Variants in DUOX1 observed in about 807,000 individuals in gnomAD.
DUOX1 encodes the protein dual oxidase 1.
A neutral mutation model predicts 181.8 loss-of-function variants in DUOX1; 134 were observed. That is an observed-to-expected ratio of 0.74 (90% CI 0.64 to 0.85). The LOEUF is 0.85. Among genes scored for constraint, DUOX1 ranks in the 40% least tolerant of loss-of-function variants. DUOX1 has a pLI of 0.00. For synonymous variants in DUOX1, 798 were observed against 832.5 expected, an observed-to-expected ratio of 0.96 and a Z score of 0.71; for missense variants, 1,814 against 2,064.4, an observed-to-expected ratio of 0.88 and a Z score of 2.35.
intron 29 of DUOX1, 73 bp from the exon 30 acceptor site, chr15:45,161,665 G>C: frequency 1.5e-6 from 2 of 1,333,566 alleles, no homozygotes; most frequent in Non-Finnish European, 2.1e-6. Context: ...GAGGCTGTGG[G>C]TGGGGAGCTC....
Position 45,162,262 on chromosome 15 carries a change from A to ATAAG in DUOX1, c.4135_4138dup (p.Phe1380Ter), listed in dbSNP as rs768187655. On this transcript the variant is annotated frameshift_variant, in exon 31 of 34. Transcript: ENST00000389037. LOFTEE classifies it high-confidence loss of function. ...TTTGGAGAGGGCCACCAGGAGTGGC[A>ATAAG]TAAGTTTGAGGTGTCAGTGTTAGTG... 1 of 1,612,980 alleles carries ATAAG rather than the reference A, an allele frequency of 6.2e-7. No individual in the cohort carries two copies.
At position 45,142,767 on chromosome 15, in the gene DUOX1, A is replaced by AGAAG. The variant is rs57036192; in HGVS notation, c.1823-405_1823-402dup. ...AGAGAGAGAGAATGGAAGGAAGGAAAGAAGGAAGGAAGGAAGGAAGGGAGG... is the reference window on the plus strand; with the variant it reads ...AGAGAGAGAGAATGGAAGGAAGGAAAGAAGGAAGGAAGGAAGGAAGGAAGGGAGG... On this transcript the variant is annotated intron_variant, in intron 15 of 33. Transcript: ENST00000389037. Among the ~76,000 whole-genome samples the AGAAG allele has an allele frequency of 4.1e-4, 47 of 115,234 alleles. No homozygotes were observed. In the Admixed American group the frequency reaches 4.3e-3, roughly 11 times the overall value. The allele number at this position is 115,234 out of a possible 152,430, so 75.6% of individuals were successfully genotyped here.
chr15:45,152,353 G>A lies in DUOX1; in HGVS notation c.3261G>A (p.Arg1087=). 2.5e-6 allele frequency: 4 copies of A among 1,614,210 alleles called. No individual in the cohort carries two copies. Among genetic ancestry groups the A allele is most frequent in the Non-Finnish European group, 3.4e-6 (4 of 1,180,040 alleles). ...CCCGCGTGGGAATCATCCTGTCGCG[G>A]GGCACAGCAGCCAGCATCTCTTTCA... is the stretch of plus-strand genomic sequence containing the variant. ...DTTRVGIILS[R]GTAASISFMF... is the part of the protein sequence containing the mutation. Residue 1087 remains arginine (R), a synonymous_variant, in exon 25 of 34, where the codon CGG becomes CGA. Coordinates refer to ENST00000389037, the MANE Select transcript of DUOX1 (RefSeq NM_175940.3).
At chr15:45,140,816 C>A in intron 12 of DUOX1, 79 bp from the exon 13 acceptor site, 1 of 1,408,160 alleles carries the variant, frequency 7.1e-7, no homozygotes, top group South Asian at 1.2e-5. Context: ...ATCCCTGGGG[C>A]TAATCCCTGG....
intron 28 of DUOX1, among the ~76,000 whole-genome samples, chr15:45,159,569 G>A (rs775192798): frequency 2.6e-5 from 4 of 152,232 alleles, no homozygotes; most frequent in Non-Finnish European, 5.9e-5. Flanking sequence ...TCAGGAGCAA[G>A]CAAGTGGGAA....
At chr15:45,147,722 C>T (rs1268774741) in intron 19 of DUOX1, 64 bp downstream of exon 19, 2 of 1,603,070 alleles carry the variant, frequency 1.2e-6, no homozygotes, top group Non-Finnish European at 1.7e-6. Flanking sequence ...ATGGGGAAGC[C>T]CTGGGACCAG....
At position 45,165,031 on chromosome 15, in the gene DUOX1, G is replaced by T; in HGVS notation, c.*130G>T. On this transcript the variant is annotated 3_prime_UTR_variant, in exon 34 of 34. Transcript: ENST00000389037. ...CCCACCTCCCAACCTTGTTCCAGGTGGCCATAGTCAGTCACCATGTGTGGG... is the reference window on the plus strand; with the variant it reads ...CCCACCTCCCAACCTTGTTCCAGGTTGCCATAGTCAGTCACCATGTGTGGG... 9.0e-7 allele frequency: 1 copy of T among 1,108,824 alleles called. No individual in the cohort carries two copies. Among genetic ancestry groups the T allele is most frequent in the Non-Finnish European group, 1.3e-6 (1 of 764,126 alleles). The allele number at this position is 1,108,824 out of a possible 1,614,324, so 68.7% of individuals were successfully genotyped here.
intron 27 of DUOX1, chr15:45,155,569 C>CAAA (rs747495934): frequency 1.7e-3 from 523 of 307,846 alleles, no homozygotes; most frequent in East Asian, 4.9e-3. Flanking sequence ...GACTCCATCT[C>CAAA]AAAAAAAAAA....
intron 11 of DUOX1, 28 bp downstream of exon 11, chr15:45,139,196 G>A: frequency 1.9e-6 from 3 of 1,613,890 alleles, no homozygotes; most frequent in Non-Finnish European, 2.5e-6. Flanking sequence ...CCTGCAGGTT[G>A]TGAACTCCTG....
intron 9 of DUOX1, 63 bp downstream of exon 9, chr15:45,136,688 TGCCCTCAGGA>T (rs1156579491): frequency 3.3e-6 from 5 of 1,512,116 alleles, no homozygotes; most frequent in Non-Finnish European, 4.6e-6. Flanking sequence ...GAGGAAAATC[TGCCCTCAGGA>T]GCCCTCTGTA....
chr15:45,140,501 T>C (rs1235811420), intron 12 of DUOX1: 1 of 179,274 alleles, frequency 5.6e-6, no homozygotes, highest in African/African-American at 2.4e-5. Flanking sequence ...CAAAAGGCAA[T>C]ATATAATCAG....
At chr15:45,135,024 G>C (rs1290100699) in intron 4 of DUOX1, 80 bp from the exon 5 acceptor site, 1 of 1,543,518 alleles carries the variant, frequency 6.5e-7, no homozygotes, top group South Asian at 1.2e-5. Context: ...CTTCAGGGGA[G>C]GGAAGGAAAC....
intron 27 of DUOX1, among the ~76,000 whole-genome samples, chr15:45,155,003 T>G (rs1896934955): frequency 6.6e-6 from 1 of 152,262 alleles, no homozygotes; most frequent in African/African-American, 2.4e-5. Context: ...TGCTGTGTGC[T>G]GTGGCAGCCA....
intron 31 of DUOX1, among the ~76,000 whole-genome samples, 169 bp from the exon 32 acceptor site, chr15:45,163,363 T>A (rs1168229800): frequency 6.6e-6 from 1 of 152,120 alleles, no homozygotes; most frequent in African/African-American, 2.4e-5. Flanking sequence ...GCCAACTCCA[T>A]CTCTGGCCTC....
chr15:45,139,446 G>A lies in DUOX1; in HGVS notation c.1236G>A (p.Leu412=). The A allele has an allele frequency of 6.2e-7, 1 of 1,612,746 alleles. No individual in the cohort carries two copies. The highest frequency in any genetic ancestry group is 8.5e-7 in the Non-Finnish European group (1 of 1,179,640). Residue 412 remains leucine, a synonymous_variant, in exon 12 of 34, where the codon CTG becomes CTA. Transcript: ENST00000389037. ...CTCCAGATTTCTGGCCTGGGCCACT[G>A]AAGTTTTCCCGCACAGACCACCTGG... ...EDVRDFWPGP[L]KFSRTDHLAS... is the part of the protein sequence containing the mutation.
chr15:45,151,918 A>G lies in DUOX1; in HGVS notation c.3059A>G (p.Glu1020Gly). ...QPLLFTEAHR[E>G]KFQRSCLHQT... ...TTGCTGTTCACTGAGGCGCACCGAG[A>G]GAAGTTCCAACGCAGCTGTCTCCAC... Residue 1020 changes from glutamate to glycine, a missense_variant, in exon 24 of 34, where the codon GAG becomes GGG. This residue lies in a region of DUOX1 where 1,064 missense variants were observed against 1,152.9 expected (regional missense o/e 0.92). Coordinates refer to ENST00000389037, the MANE Select transcript of DUOX1 (RefSeq NM_175940.3). The G allele has an allele frequency of 6.2e-7, 1 of 1,613,890 alleles. No homozygotes were observed. Among genetic ancestry groups the G allele is most frequent in the South Asian group, 1.1e-5 (1 of 91,068 alleles).
chr15:45,152,287 C>A lies in DUOX1; in HGVS notation c.3195C>A (p.Tyr1065Ter). The A allele has an allele frequency of 6.2e-7, 1 of 1,613,558 alleles. No individual in the cohort carries two copies. Residue 1065 changes from tyrosine (Y) to a stop codon, truncating the protein, a stop_gained and splice_region_variant, in exon 25 of 34, where the codon TAC becomes TAA. Coordinates refer to ENST00000389037, the MANE Select transcript of DUOX1 (RefSeq NM_175940.3). LOFTEE classifies it high-confidence loss of function. ...AGGLFLERAY[Y>*]YAFAAHHTGI... ...TGCCTGCCTGGGCCCCCTCCACAGA[C>A]TACGCCTTTGCCGCACATCACACGG...
chr15:45,134,981 A>G, intron 4 of DUOX1, 123 bp from the exon 5 acceptor site: 1 of 1,156,670 alleles, frequency 8.6e-7, no homozygotes, highest in Non-Finnish European at 1.2e-6. Flanking sequence ...CAGGGCTTGG[A>G]CTTGCCCATA....
chr15:45,160,362 C>T (rs1279672693), intron 28 of DUOX1, among the ~76,000 whole-genome samples: 2 of 152,056 alleles, frequency 1.3e-5, no homozygotes, highest in Non-Finnish European at 2.9e-5. Context: ...AAAGGACTGG[C>T]CGTGTTTGAG....
Sources: gnomAD v4.1 joint callset for allele counts (sites outside exome capture counted in the v4.1 genomes callset) on GRCh38, gnomAD v4.1.1 for gene constraint, gnomAD v4.1.1 regional missense constraint, MANE v1.5 for transcripts, NCBI Gene and HGNC (gene_info 2026-07-23, HGNC 2026-07-21) for gene names.